Variants in MARCHF6 observed in about 807,000 individuals in gnomAD.
MARCHF6 encodes the protein membrane associated ring-CH-type finger 6.
In MARCHF6, 31 loss-of-function variants were observed where a neutral mutation model predicts 133.7. That is an observed-to-expected ratio of 0.23 (90% CI 0.17 to 0.31). The LOEUF (loss-of-function observed/expected upper bound fraction) is 0.31. Among genes scored for constraint, MARCHF6 ranks in the 10% least tolerant of loss-of-function variants. The probability of loss-of-function intolerance (pLI) is 1.00; values close to 1 mark genes in which losing one functional copy is unlikely to be tolerated. For missense variants in MARCHF6, 723 were observed against 1,121.6 expected, an observed-to-expected ratio of 0.64 and a Z score of 5.08; for synonymous variants, 395 against 402.5, an observed-to-expected ratio of 0.98 and a Z score of 0.22.
At chr5:10,380,155 T>TG (rs1737042653) in intron 3 of MARCHF6, among the ~76,000 whole-genome samples, 1 of 145,752 alleles carries the variant, frequency 6.9e-6, no homozygotes, top group Non-Finnish European at 1.5e-5. Flanking sequence ...TGTGTTTTAG[T>TG]TGTGTGTGTG....
At chr5:10,407,964 C>A (rs1370473975) in intron 17 of MARCHF6, among the ~76,000 whole-genome samples, 7 of 140,454 alleles carry the variant, frequency 5.0e-5, no homozygotes, top group African/African-American at 7.8e-5. Flanking sequence ...CCCCCCCCCC[C>A]CAAAAAAAAA....
In MARCHF6 at chr5:10,433,762, G is replaced by C. The variant is rs532578614; in HGVS notation, c.*78G>C. On this transcript the variant is annotated 3_prime_UTR_variant, in exon 26 of 26. Transcript: ENST00000274140. ...CTTCTCTCTTTGGAGATTTTTCCCA[G>C]TGATCTCTCAGCGTTGTTTTTAAGT... The C allele has an allele frequency of 5.1e-5, 60 of 1,183,362 alleles. 1 individual carries two copies. In the South Asian group the frequency reaches 7.0e-4, roughly 14 times the overall value. 73.3% of individuals were successfully genotyped at this position (1,183,362 alleles called of 1,614,324 possible).
At chr5:10,379,326 A>G (rs1225032648) in intron 3 of MARCHF6, among the ~76,000 whole-genome samples, 1 of 152,212 alleles carries the variant, frequency 6.6e-6, no homozygotes, top group Non-Finnish European at 1.5e-5. Context: ...CAAAAACGTA[A>G]CTATAATACC....
chr5:10,356,373 T>TG (rs1735466472), intron 1 of MARCHF6, among the ~76,000 whole-genome samples: 1 of 139,734 alleles, frequency 7.2e-6, no homozygotes, highest in Non-Finnish European at 1.6e-5. Context: ...TTTTATTTTA[T>TG]TTTATTTTAT....
At chr5:10,368,011 G>A (rs1478456440) in intron 1 of MARCHF6, among the ~76,000 whole-genome samples, 2 of 152,102 alleles carry the variant, frequency 1.3e-5, no homozygotes, top group Non-Finnish European at 2.9e-5. Context: ...TAATTTTACT[G>A]CATACGAATC....
intron 22 of MARCHF6, among the ~76,000 whole-genome samples, chr5:10,419,612 CTTTT>C (rs148493492): frequency 1.4e-5 from 2 of 139,446 alleles, no homozygotes; most frequent in Admixed American, 1.4e-4. Flanking sequence ...AAAGAGCTAC[CTTTT>C]TTTTTTTTTT....
Position 10,410,244 on chromosome 5 carries a change from G to A in MARCHF6, c.1659G>A (p.Val553=). ...GHTRQWLKGL[V]RAWTVTAGYL... is the part of the protein sequence containing the mutation. ...CGAGGCAGTGGCTGAAGGGGCTGGT[G>A]CGAGCGTGGACTGTGACCGCCGGAT... is the stretch of plus-strand genomic sequence containing the variant. Residue 553 remains valine (V), a synonymous_variant, in exon 18 of 26, where the codon GTG becomes GTA. Transcript: ENST00000274140. 6.2e-7 allele frequency: 1 copy of A among 1,613,410 alleles called. No individual in the cohort carries two copies.
At chr5:10,357,260 G>C (rs7703456) in intron 1 of MARCHF6, among the ~76,000 whole-genome samples, 4,822 of 149,300 alleles carry the variant, frequency 0.032, 256 homozygotes, top group African/African-American at 0.11. Flanking sequence ...TATTGGAATA[G>C]ATGTTGCAAG....
rs142345128 is a variant in MARCHF6 at position 10,364,184 on chromosome 5, C to G, written c.19+10267C>G. Among the ~76,000 whole-genome samples, 72 of 152,254 alleles carry G rather than the reference C, an allele frequency of 4.7e-4. 1 individual carries two copies. The East Asian group carries it at 0.012, about 25-fold the overall frequency. On this transcript the variant is annotated intron_variant, in intron 1 of 25. Coordinates refer to ENST00000274140, the MANE Select transcript of MARCHF6 (RefSeq NM_005885.4). ...CTAAAATGGTAATAGAATGACTGAC[C>G]GTACCAAGTGTTTGTAAGGAGGTAG...
intron 10 of MARCHF6, among the ~76,000 whole-genome samples, chr5:10,399,894 G>A (rs1261164371): frequency 6.6e-6 from 1 of 152,144 alleles, no homozygotes; most frequent in Non-Finnish European, 1.5e-5. Flanking sequence ...AGCATGTCAT[G>A]TTTTACATCT....
intron 5 of MARCHF6, among the ~76,000 whole-genome samples, chr5:10,387,545 C>T (rs1399856203): frequency 2.6e-5 from 4 of 152,100 alleles, no homozygotes; most frequent in African/African-American, 9.7e-5. Flanking sequence ...TCAGGTGATC[C>T]ACCCGCTTCG....
chr5:10,392,960 A>G (rs1332251052), intron 7 of MARCHF6, among the ~76,000 whole-genome samples: 1 of 152,202 alleles, frequency 6.6e-6, no homozygotes, highest in Non-Finnish European at 1.5e-5. Context: ...AGGCTGCTGC[A>G]TTCCTGGAGT....
At chr5:10,363,556 G>A (rs1294684372) in intron 1 of MARCHF6, among the ~76,000 whole-genome samples, 1 of 152,164 alleles carries the variant, frequency 6.6e-6, no homozygotes, top group Non-Finnish European at 1.5e-5. Context: ...GTAAGATAGT[G>A]TGACTGATTT....
At chr5:10,429,413 G>A (rs74717187) in intron 24 of MARCHF6, among the ~76,000 whole-genome samples, 1 of 83,070 alleles carries the variant, frequency 1.2e-5, no homozygotes, top group South Asian at 4.2e-4. Context: ...TTTTTTTTTT[G>A]AGGCAGGGTC....
At chr5:10,432,098 C>T (rs1740400736) in intron 25 of MARCHF6, among the ~76,000 whole-genome samples, 1 of 152,164 alleles carries the variant, frequency 6.6e-6, no homozygotes, top group Non-Finnish European at 1.5e-5. Context: ...ACATATTAAG[C>T]TACTGGACAT....
chr5:10,407,780 C>G (rs578193190), intron 17 of MARCHF6, among the ~76,000 whole-genome samples: 3 of 152,184 alleles, frequency 2.0e-5, no homozygotes, highest in East Asian at 1.9e-4. Flanking sequence ...ATGGAGAAAC[C>G]CTGTCTCTAC....
chr5:10,361,102 A>G (rs539337498), intron 1 of MARCHF6, among the ~76,000 whole-genome samples: 1 of 152,360 alleles, frequency 6.6e-6, no homozygotes, highest in South Asian at 2.1e-4. Context: ...AGTAGGCTAG[A>G]TGAGATATAG....
intron 1 of MARCHF6, chr5:10,354,128 G>T (rs1735287586): frequency 2.8e-6 from 1 of 359,912 alleles, no homozygotes; most frequent in Non-Finnish European, 4.8e-6. Context: ...GAGGGGGGCG[G>T]GGACCCTGCC....
Position 10,402,411 on chromosome 5 carries a change from A to G in MARCHF6, c.1081A>G (p.Arg361Gly). The change falls in exon 13 of 26, where the codon AGA becomes GGA. Residue 361 changes from arginine to glycine, a missense_variant. Arg to Gly is a moderately radical substitution (Grantham distance 125). Coordinates refer to ENST00000274140, the MANE Select transcript of MARCHF6 (RefSeq NM_005885.4). ...CTTGGCAACTCTTGTGAAATTTCAT[A>G]GATCTCGTCGCTTACTGGGAGTCTG... ...HGLATLVKFH[R>G]SRRLLGVCYI... 6.2e-7 allele frequency: 1 copy of G among 1,613,990 alleles called. No homozygotes were observed. The highest frequency in any genetic ancestry group is 8.5e-7 in the Non-Finnish European group (1 of 1,179,912).
Sources: gnomAD v4.1 joint callset for allele counts (sites outside exome capture counted in the v4.1 genomes callset) on GRCh38, gnomAD v4.1.1 for gene constraint, MANE v1.5 for transcripts, NCBI Gene and HGNC (gene_info 2026-07-23, HGNC 2026-07-21) for gene names.